Variants in NRN1L observed in about 807,000 individuals in gnomAD.
NRN1L encodes the protein neuritin-like protein.
NRN1L carries 12 observed loss-of-function variants against 8.8 expected under a neutral mutation model. The ratio of observed to expected loss-of-function variants is 1.36; its 90% CI spans 0.87 to 2.20. NRN1L has a LOEUF of 2.20. Among genes scored for constraint, NRN1L ranks in the 30% most tolerant of loss-of-function variants. NRN1L has a pLI of 0.00. For synonymous variants in NRN1L, 114 were observed against 99.2 expected, an observed-to-expected ratio of 1.15 and a Z score of -0.88; for missense variants, 266 against 232.4, an observed-to-expected ratio of 1.14 and a Z score of -0.94.
downstream of NRN1L, among the ~76,000 whole-genome samples, chr16:67,887,442 T>A (rs1396266839): frequency 1.3e-5 from 2 of 150,348 alleles, no homozygotes; most frequent in African/African-American, 4.9e-5. Flanking sequence ...CCGACTAATT[T>A]TATATTTTTA....
At chr16:67,885,693 T>TGCCCCCCCCCCCCCCCC in intron 1 of NRN1L, 29 bp from the exon 2 acceptor site, 12 of 1,257,188 alleles carry the variant, frequency 9.5e-6, no homozygotes, top group Admixed American at 2.4e-5. Flanking sequence ...TACCATTCCT[T>TGCCCCCCCCCCCCCCCC]CCCCACCCCA....
At chr16:67,885,045 C>A in intron 1 of NRN1L, 63 bp downstream of exon 1, 1 of 1,437,294 alleles carries the variant, frequency 7.0e-7, no homozygotes, top group Non-Finnish European at 9.7e-7. Context: ...CCAGGCTGGG[C>A]ATAGGGTGTG....
intron 1 of NRN1L, 145 bp from the exon 2 acceptor site, chr16:67,885,577 C>G: frequency 1.6e-6 from 1 of 624,390 alleles, no homozygotes; most frequent in Non-Finnish European, 2.8e-6. Flanking sequence ...CCCAGACTTG[C>G]CCTTTAGTTC....
At chr16:67,885,018 C>T in intron 1 of NRN1L, 36 bp downstream of exon 1, 1 of 1,573,454 alleles carries the variant, frequency 6.4e-7, no homozygotes, top group Non-Finnish European at 8.7e-7. Context: ...GCCACACCCC[C>T]TTCTCGCCCA....
chr16:67,886,930 G>A (rs2058098537), downstream of NRN1L, among the ~76,000 whole-genome samples: 1 of 152,248 alleles, frequency 6.6e-6, no homozygotes, highest in South Asian at 2.1e-4. Flanking sequence ...GTGACCTGAA[G>A]TGGCAAAAAC....
chr16:67,886,080 C>A lies in NRN1L; in HGVS notation c.319C>A (p.Arg107Ser). ...SLQQEARQAPRPNNLHTLCGA... is the reference protein window; with the variant it reads ...SLQQEARQAPSPNNLHTLCGA... Reference sequence around the variant, plus strand: ...ACAGCAAGAAGCTCGCCAGGCCCCCCGTCCGAATAACTTGCACACTCTGTG... The same window carrying A: ...ACAGCAAGAAGCTCGCCAGGCCCCCAGTCCGAATAACTTGCACACTCTGTG... The change falls in exon 3 of 3, where the codon CGT (arginine) becomes AGT (serine). Residue 107 changes from arginine to serine, a missense_variant. Coordinates refer to ENST00000339176, the MANE Select transcript of NRN1L (RefSeq NM_198443.2). The A allele has an allele frequency of 1.2e-6, 2 of 1,613,456 alleles. No individual in the cohort carries two copies. The highest frequency in any genetic ancestry group is 1.7e-6 in the Non-Finnish European group (2 of 1,179,786).
In NRN1L at chr16:67,886,069, G is replaced by A. The variant is rs1166478934; in HGVS notation, c.308G>A (p.Arg103His). 5.6e-6 allele frequency: 9 copies of A among 1,613,522 alleles called. No homozygotes were observed. The highest frequency in any genetic ancestry group is 2.7e-5 in the African/African-American group (2 of 74,908). The change falls in exon 3 of 3, where the codon CGC becomes CAC. Residue 103 changes from arginine (R) to histidine (H), a missense_variant. Coordinates refer to ENST00000339176, the MANE Select transcript of NRN1L (RefSeq NM_198443.2). ...AVWESLQQEARQAPRPNNLHT... is the reference protein window; with the variant it reads ...AVWESLQQEAHQAPRPNNLHT... ...TGGGAATCACTACAGCAAGAAGCTC[G>A]CCAGGCCCCCCGTCCGAATAACTTG...
chr16:67,885,623 A>G (rs900954038), intron 1 of NRN1L, 99 bp from the exon 2 acceptor site: 6 of 921,240 alleles, frequency 6.5e-6, no homozygotes, highest in Non-Finnish European at 9.7e-6. Context: ...TCACATCCCC[A>G]GAGTGCTCCC....
At chr16:67,888,338 T>C (rs1313535800), downstream of NRN1L, among the ~76,000 whole-genome samples, 1 of 152,092 alleles carries the variant, frequency 6.6e-6, no homozygotes. Flanking sequence ...GTGCTGGGGC[T>C]GTATACCCCA....
rs201603662 is a variant in NRN1L, at chr16:67,885,776, T to C, written c.134T>C (p.Ile45Thr). 53 of 1,411,310 alleles carry C rather than the reference T, an allele frequency of 3.8e-5. No individual in the cohort carries two copies. In the African/African-American group the frequency reaches 7.4e-4, roughly 20 times the overall value. 87.4% of individuals were successfully genotyped at this position (1,411,310 alleles called of 1,614,324 possible). ...AAAGPNRCDT[I>T]YQGFAECLIR... ...GCGGGCCCAAACCGATGTGACACCA[T>C]ATACCAGGGCTTCGCCGAGTGTCTC... is the stretch of plus-strand genomic sequence containing the variant. Residue 45 changes from isoleucine to threonine, a missense_variant, in exon 2 of 3, where the codon ATA becomes ACA. Physicochemically the swap from Ile to Thr is moderately conservative, Grantham distance 89. Transcript: ENST00000339176.
At chr16:67,888,451 C>T (rs1278191560), downstream of NRN1L, among the ~76,000 whole-genome samples, 1 of 152,108 alleles carries the variant, frequency 6.6e-6, no homozygotes, top group African/African-American at 2.4e-5. Flanking sequence ...CTACTTTTCC[C>T]CTGGTTTTTG....
chr16:67,884,978 C>T lies in NRN1L; in HGVS notation c.75C>T (p.Pro25=). Residue 25 remains proline, a synonymous_variant, in exon 1 of 3, where the codon CCC becomes CCT. Transcript: ENST00000339176. This position sits in a 1 kb window ranked among gnomAD's most constrained non-coding sequence, Gnocchi z 4.1. The part of the protein sequence containing the change: ...PHALRPLLLL[P]LVLLPPLAAA... The stretch of plus-strand genomic sequence containing the variant: ...CCCTGAGGCCGTTGCTGTTGCTGCC[C>T]CTCGGTGAGTGCGGGCATCCGGGGC... 6.2e-7 allele frequency: 1 copy of T among 1,607,766 alleles called. No homozygotes were observed.
chr16:67,887,955 C>T (rs1339838138), downstream of NRN1L, among the ~76,000 whole-genome samples: 1 of 152,200 alleles, frequency 6.6e-6, no homozygotes, highest in African/African-American at 2.4e-5. Flanking sequence ...CCTCTAGGAA[C>T]TATTCCCTAA....
Position 67,885,855 on chromosome 16 carries a change from G to C in NRN1L, c.212+1G>C. ...GAGGCGAGCTGGAGACCATCTGCAGGTACCGGCGGGTGTGAGGCAGTGGCC... is the reference window on the plus strand; with the variant it reads ...GAGGCGAGCTGGAGACCATCTGCAGCTACCGGCGGGTGTGAGGCAGTGGCC... On this transcript the variant is annotated splice_donor_variant, in intron 2 of 2. Transcript: ENST00000339176. LOFTEE classifies it high-confidence loss of function. The C allele has an allele frequency of 1.3e-6, 2 of 1,569,920 alleles. No individual in the cohort carries two copies. Among genetic ancestry groups the C allele is most frequent in the Middle Eastern group, 3.4e-4 (2 of 5,806 alleles).
intron 1 of NRN1L, chr16:67,885,382 C>A: frequency 2.1e-6 from 1 of 465,604 alleles, no homozygotes; most frequent in South Asian, 2.7e-5. Context: ...GCACCTGCTC[C>A]TGGTCCGGGG....
intron 1 of NRN1L, 50 bp from the exon 2 acceptor site, chr16:67,885,672 C>G (rs1298495491): frequency 2.8e-6 from 4 of 1,434,376 alleles, no homozygotes; most frequent in Non-Finnish European, 3.8e-6. Context: ...ATGAGCCTGG[C>G]TCATCCTATC....
At chr16:67,885,389 G>C in intron 1 of NRN1L, 1 of 461,710 alleles carries the variant, frequency 2.2e-6, no homozygotes, top group Non-Finnish European at 3.9e-6. Flanking sequence ...CTCCTGGTCC[G>C]GGGCCTCTGG....
At position 67,886,147 on chromosome 16, in the gene NRN1L, A is replaced by G; in HGVS notation, c.386A>G (p.Glu129Gly). 2 of 1,611,036 alleles carry G rather than the reference A, an allele frequency of 1.2e-6. No individual in the cohort carries two copies. Among genetic ancestry groups the G allele is most frequent in the South Asian group, 2.2e-5 (2 of 90,892 alleles). ...GTTCGGGAGCGCGGCACAGGCTCCG[A>G]AACCAACCAGGAGACGCTGCGGGCT... ...VHVRERGTGS[E>G]TNQETLRATA... Residue 129 changes from glutamate (E) to glycine (G), a missense_variant, in exon 3 of 3, where the codon GAA becomes GGA. Physicochemically the swap from Glu to Gly is moderately conservative, Grantham distance 98. Coordinates refer to ENST00000339176, the MANE Select transcript of NRN1L (RefSeq NM_198443.2).
downstream of NRN1L, among the ~76,000 whole-genome samples, chr16:67,887,714 C>T (rs985851025): frequency 2.6e-5 from 4 of 151,892 alleles, no homozygotes; most frequent in Admixed American, 1.3e-4. Flanking sequence ...TTCCGAGTAG[C>T]TTGGACTACA....
Sources: gnomAD v4.1 joint callset for allele counts (sites outside exome capture counted in the v4.1 genomes callset) on GRCh38, gnomAD v4.1.1 for gene constraint, Gnocchi (gnomAD v3.1) non-coding constraint, MANE v1.5 for transcripts, NCBI Gene and HGNC (gene_info 2026-07-23, HGNC 2026-07-21) for gene names.